FOXM1: variants seen among roughly 807,000 people sequenced by gnomAD.
The protein encoded by FOXM1 is forkhead box M1.
FOXM1 carries 25 observed loss-of-function variants against 63.6 expected under a neutral mutation model. The ratio of observed to expected loss-of-function variants is 0.39; its 90% CI spans 0.29 to 0.55. The LOEUF (loss-of-function observed/expected upper bound fraction) is 0.55, where lower values mean the gene tolerates loss of function less well. FOXM1 is among the 20% of genes least tolerant of loss of function. The pLI is 0.60. For missense variants in FOXM1, 879 were observed against 958.7 expected (o/e 0.92, Z 1.10); for synonymous variants, 387 against 376.9 (o/e 1.03, Z -0.31).
intron 3 of FOXM1, 108 bp downstream of exon 3, chr12:2,871,988 A>C: frequency 8.8e-7 from 1 of 1,132,456 alleles, no homozygotes; most frequent in Non-Finnish European, 1.3e-6. Context: ...TGGAGAGCTA[A>C]TACCAGAACT....
At position 2,874,552 on chromosome 12, in the gene FOXM1, G is replaced by C; in HGVS notation, c.-47-27C>G. 6.9e-7 allele frequency: 1 copy of C among 1,455,278 alleles called. No individual in the cohort carries two copies. Among genetic ancestry groups the C allele is most frequent in the Non-Finnish European group, 9.2e-7 (1 of 1,084,060 alleles). The allele number at this position is 1,455,278 out of a possible 1,614,324, so 90.1% of individuals were successfully genotyped here. On this transcript the variant is annotated intron_variant, in intron 1 of 8. Transcript: ENST00000359843. The surrounding 1 kb of genome is among the most constrained non-coding windows in gnomAD (Gnocchi z 4.3). Reference sequence around the variant, plus strand: ...TGGAAAATGCAAATAGTGGCAAGATGTTAGAGATTGTTTAGGCTGAGAAGA... The same window carrying C: ...TGGAAAATGCAAATAGTGGCAAGATCTTAGAGATTGTTTAGGCTGAGAAGA...
At chr12:2,866,654 C>A (rs1477807688) in intron 4 of FOXM1, 133 bp from the exon 5 acceptor site, 4 of 898,032 alleles carry the variant, frequency 4.5e-6, no homozygotes, top group Non-Finnish European at 4.7e-6. Flanking sequence ...GTCTTTGCAG[C>A]CCTCTTGGCA....
chr12:2,876,468 G>A (rs998708098), intron 1 of FOXM1: 8 of 152,312 alleles, frequency 5.3e-5, no homozygotes, highest in Admixed American at 2.0e-4. Context: ...CCTGAGCGGG[G>A]AAATCTTGCT....
intron 8 of FOXM1, among the ~76,000 whole-genome samples, chr12:2,862,086 G>C (rs894486763): frequency 1.3e-4 from 20 of 152,036 alleles, no homozygotes; most frequent in Admixed American, 7.9e-4. Context: ...GGCCGAGGCA[G>C]GAGAATCGCT....
At chr12:2,871,997 C>G in intron 3 of FOXM1, 99 bp downstream of exon 3, 2 of 1,263,754 alleles carry the variant, frequency 1.6e-6, no homozygotes, top group Non-Finnish European at 2.3e-6. Context: ...AATACCAGAA[C>G]TTGGAAATTC....
At position 2,858,957 on chromosome 12, in the gene FOXM1, T is replaced by A. The variant is rs764617916; in HGVS notation, c.1973A>T (p.Asp658Val). 1.2e-6 allele frequency: 2 copies of A among 1,613,386 alleles called. No homozygotes were observed. Among genetic ancestry groups the A allele is most frequent in the Non-Finnish European group, 1.7e-6 (2 of 1,179,860 alleles). The change falls in exon 9 of 9, where the codon GAT (aspartate) becomes GTT (valine). Residue 658 changes from aspartate (D) to valine (V), a missense_variant. By Grantham distance (152) the Asp-to-Val change is radical (BLOSUM62 -3). Transcript: ENST00000359843. ...ACTTTGCAAGGGAGTGGTGCTGAGA[T>A]CCATCAGCCCCAGGGGGTCAGGCAA... is the stretch of plus-strand genomic sequence containing the variant. ...DPLPDPLGLM[D>V]LSTTPLQSAP...
rs1031309858 is a variant in FOXM1, at chr12:2,877,067, C to T, written c.-195G>A. 8.7e-5 allele frequency: 13 copies of T among 148,894 alleles called. No homozygotes were observed. The highest frequency in any genetic ancestry group is 2.9e-4 in the African/African-American group (12 of 40,780). 9.2% of individuals were successfully genotyped at this position (148,894 alleles called of 1,614,324 possible). A position where few individuals can be genotyped will look rare whatever the true frequency, so the allele number is the denominator to read the frequency against. ...GGCGGTGCGGGCGGGGTGGGAACCC[C>T]GGGGGATCCCGGGAGGGGAGGGGGT... On this transcript the variant is annotated 5_prime_UTR_variant, in exon 1 of 9. Transcript: ENST00000359843.
At chr12:2,871,378 G>A (rs2098133006) in intron 3 of FOXM1, among the ~76,000 whole-genome samples, 1 of 152,158 alleles carries the variant, frequency 6.6e-6, no homozygotes, top group Non-Finnish European at 1.5e-5. Context: ...CCAGGCTGGT[G>A]GTTCACGCCT....
chr12:2,869,992 C>CTTT, intron 3 of FOXM1, among the ~76,000 whole-genome samples: 1 of 142,166 alleles, frequency 7.0e-6, no homozygotes, highest in Admixed American at 7.1e-5. Flanking sequence ...TAAATTTTCA[C>CTTT]TTTTTTTTTT....
At chr12:2,875,817 A>G (rs1228844294) in intron 1 of FOXM1, among the ~76,000 whole-genome samples, 1 of 149,254 alleles carries the variant, frequency 6.7e-6, no homozygotes, top group Non-Finnish European at 1.5e-5. Context: ...CTGGAGTGCA[A>G]TGGCGCAATC....
chr12:2,859,213 C>T lies in FOXM1; in HGVS notation c.1717G>A (p.Ala573Thr), dbSNP rs375821639. The change falls in exon 9 of 9, where the codon GCA becomes ACA. Residue 573 changes from alanine (A) to threonine (T), a missense_variant. This residue lies in a region of FOXM1 where 486 missense variants were observed against 453.5 expected (regional missense o/e 1.07). Transcript: ENST00000359843. ...GAGTCTGCTGGGAACGGGAGCTCTG[C>T]GGCCCAGCGGGAAGTACTGGGCCCC... is the stretch of plus-strand genomic sequence containing the variant. ...SEGPSTSRWA[A>T]ELPFPADSSD... 9.9e-6 allele frequency: 16 copies of T among 1,612,216 alleles called. No homozygotes were observed. The highest frequency in any genetic ancestry group is 3.3e-5 in the South Asian group (3 of 91,056).
chr12:2,859,674 A>G lies in FOXM1; in HGVS notation c.1267-11T>C. ...CTCAGCTAGCAGCACCTGAAAGGGAAACAGAGATAAGGTGAACCAACGGTC... is the reference window on the plus strand; with the variant it reads ...CTCAGCTAGCAGCACCTGAAAGGGAGACAGAGATAAGGTGAACCAACGGTC... On this transcript the variant is annotated splice_polypyrimidine_tract_variant and intron_variant, in intron 8 of 8. Coordinates refer to ENST00000359843, the MANE Select transcript of FOXM1 (RefSeq NM_021953.4). 4.4e-6 allele frequency: 7 copies of G among 1,594,446 alleles called. No homozygotes were observed. The highest frequency in any genetic ancestry group is 6.0e-6 in the Non-Finnish European group (7 of 1,172,504).
intron 8 of FOXM1, among the ~76,000 whole-genome samples, chr12:2,861,808 T>G (rs2098113977): frequency 6.6e-6 from 1 of 152,196 alleles, no homozygotes. Flanking sequence ...TCATGGAATA[T>G]TACATGGACA....
chr12:2,872,084 G>A lies in FOXM1; in HGVS notation c.654+12C>T, dbSNP rs368827313. ...GGATCTGATTTCTTTAGTGAGGGAC[G>A]GAACAATTCACCTTAACCTGTCGCT... On this transcript the variant is annotated intron_variant, in intron 3 of 8. Transcript: ENST00000359843. The surrounding 1 kb of genome is among the most constrained non-coding windows in gnomAD (Gnocchi z 4.0). 8.7e-6 allele frequency: 14 copies of A among 1,613,970 alleles called. No homozygotes were observed. In the African/African-American group the frequency reaches 9.3e-5, roughly 11 times the overall value.
rs369679402 is a variant in FOXM1, at chr12:2,870,302, G to A, written c.655-1548C>T. The stretch of plus-strand genomic sequence containing the variant: ...AATTTTCACTTTTAAAGATTGTTGA[G>A]CTGGAGGCTATGATCCTAAGCGATT... On this transcript the variant is annotated intron_variant, in intron 3 of 8. Coordinates refer to ENST00000359843, the MANE Select transcript of FOXM1 (RefSeq NM_021953.4). Among the ~76,000 whole-genome samples, 5 of 152,286 alleles carry A rather than the reference G, an allele frequency of 3.3e-5. No homozygotes were observed. The East Asian group carries it at 7.7e-4, about 24-fold the overall frequency.
Position 2,867,979 on chromosome 12 carries a change from C to CAA in FOXM1, c.846+582_846+583dup, listed in dbSNP as rs60064456. Among the ~76,000 whole-genome samples, 590 of 68,124 alleles carry CAA rather than the reference C, an allele frequency of 8.7e-3. 7 individuals are homozygous for CAA. The highest frequency in any genetic ancestry group is 0.016 in the Middle Eastern group (2 of 122). 44.7% of individuals were successfully genotyped at this position (68,124 alleles called of 152,430 possible). A position where few individuals can be genotyped will look rare whatever the true frequency, so the allele number is the denominator to read the frequency against. On this transcript the variant is annotated intron_variant, in intron 4 of 8. Coordinates refer to ENST00000359843, the MANE Select transcript of FOXM1 (RefSeq NM_021953.4). ...TGGGTGACAGAGCGAGACTCTGTCT[C>CAA]AAAAAAAAAAAAAAAAAAAAGAAAG... is the stretch of plus-strand genomic sequence containing the variant.
In FOXM1 at chr12:2,864,037, G is replaced by C. The variant is rs2098118752; in HGVS notation, c.1266+283C>G. ...TCTCTTTCTAAGGCCTGCCTCCCTT[G>C]TGTATCTTCCTTAATAATCCTAGCC... On this transcript the variant is annotated intron_variant, in intron 8 of 8. Transcript: ENST00000359843. This position sits in a 1 kb window ranked among gnomAD's most constrained non-coding sequence, Gnocchi z 5.1. 1.2e-5 allele frequency: 4 copies of C among 328,414 alleles called. No homozygotes were observed. The highest frequency in any genetic ancestry group is 8.4e-5 in the Admixed American group (2 of 23,820). The allele number at this position is 328,414 out of a possible 1,614,324, so 20.3% of individuals were successfully genotyped here.
chr12:2,865,332 G>A (rs371164928), intron 6 of FOXM1, 23 bp downstream of exon 6: 85 of 1,602,066 alleles, frequency 5.3e-5, no homozygotes, highest in Middle Eastern at 1.7e-4. Flanking sequence ...GCCAAGCCCC[G>A]AGCCAGAGGG....
chr12:2,876,484 C>T (rs1242133185), intron 1 of FOXM1: 1 of 152,266 alleles, frequency 6.6e-6, no homozygotes, highest in African/African-American at 2.4e-5. Context: ...TTGCTACATT[C>T]TCAAGAACCA....
Sources: allele counts gnomAD v4.1 joint callset (sites outside exome capture counted in the v4.1 genomes callset), GRCh38; gene constraint gnomAD v4.1.1; regional missense constraint gnomAD v4.1.1; non-coding constraint Gnocchi (gnomAD v3.1); transcripts MANE v1.5; gene names NCBI Gene and HGNC (gene_info 2026-07-23, HGNC 2026-07-21).